Variants in PLPPR5 observed in about 807,000 individuals in gnomAD.
PLPPR5 encodes the protein phospholipid phosphatase-related protein type 5.
PLPPR5 carries 16 observed loss-of-function variants against 33.9 expected under a neutral mutation model. The ratio of observed to expected loss-of-function variants is 0.47; its 90% CI spans 0.32 to 0.72. The LOEUF is 0.72. Among genes scored for constraint, PLPPR5 ranks in the 30% least tolerant of loss-of-function variants. The pLI is 0.03. For synonymous variants in PLPPR5, 163 were observed against 150.3 expected, an observed-to-expected ratio of 1.08 and a Z score of -0.62; for missense variants, 301 against 406.7, an observed-to-expected ratio of 0.74 and a Z score of 2.23.
chr1:98,921,041 A>G (rs1243113401), intron 4 of PLPPR5, among the ~76,000 whole-genome samples: 1 of 152,176 alleles, frequency 6.6e-6, no homozygotes, highest in Admixed American at 6.5e-5. Context: ...TATGGTATAA[A>G]CATCAGTAAG....
rs758836234 is a variant in PLPPR5, at chr1:98,975,775, G to C, written c.238-19034C>G. ...GATTTCCAGCAAATCGGGATATCTCGACCCAAGCTCTACCGAACCAACAAG... is the reference window on the plus strand; with the variant it reads ...GATTTCCAGCAAATCGGGATATCTCCACCCAAGCTCTACCGAACCAACAAG... On this transcript the variant is annotated intron_variant, in intron 1 of 5. Transcript: ENST00000263177. Among the ~76,000 whole-genome samples the C allele has an allele frequency of 3.3e-5, 5 of 152,030 alleles. No individual in the cohort carries two copies. In the East Asian group the frequency reaches 9.7e-4, roughly 30 times the overall value.
chr1:98,915,327 C>T (rs1464827502), intron 4 of PLPPR5, among the ~76,000 whole-genome samples: 1 of 152,054 alleles, frequency 6.6e-6, no homozygotes, highest in African/African-American at 2.4e-5. Flanking sequence ...TTTTTCATTG[C>T]TTCAGTATCA....
intron 1 of PLPPR5, among the ~76,000 whole-genome samples, chr1:98,983,885 G>A (rs138553015): frequency 0.092 from 13,961 of 151,024 alleles, 738 homozygotes; most frequent in Non-Finnish European, 0.11. Context: ...TTGCATAAAT[G>A]TCTTCTTTTG....
intron 1 of PLPPR5, among the ~76,000 whole-genome samples, chr1:98,961,860 G>A (rs564668178): frequency 3.3e-5 from 5 of 152,160 alleles, no homozygotes; most frequent in Admixed American, 2.6e-4. Flanking sequence ...AGCTCTCCCT[G>A]GTGGACTTCA....
chr1:98,930,345 C>G (rs1649918733), intron 3 of PLPPR5, among the ~76,000 whole-genome samples: 1 of 152,056 alleles, frequency 6.6e-6, no homozygotes, highest in Non-Finnish European at 1.5e-5. Flanking sequence ...CTCAGGATTT[C>G]TTCAGATAAG....
At chr1:98,898,731 T>C (rs764704348) in intron 5 of PLPPR5, among the ~76,000 whole-genome samples, 3 of 152,188 alleles carry the variant, frequency 2.0e-5, no homozygotes, top group Non-Finnish European at 4.4e-5. Context: ...CAAAGTTTTC[T>C]TGGGAAAGGT....
In PLPPR5 at chr1:98,956,754, T is replaced by C. The variant is rs75681527; in HGVS notation, c.238-13A>G. 1.7e-3 allele frequency: 2,577 copies of C among 1,533,024 alleles called. 43 individuals carry two copies. The African/African-American group carries it at 0.033, about 20-fold the overall frequency. 95.0% of individuals were successfully genotyped at this position (1,533,024 alleles called of 1,614,324 possible). A position where few individuals can be genotyped will look rare whatever the true frequency, so the allele number is the denominator to read the frequency against. ...CTCCAACTATTATCTTGAAAGAAAATAAAAGATTAAGGAATATTAGAATTT... is the reference window on the plus strand; with the variant it reads ...CTCCAACTATTATCTTGAAAGAAAACAAAAGATTAAGGAATATTAGAATTT... On this transcript the variant is annotated splice_polypyrimidine_tract_variant and intron_variant, in intron 1 of 5. Transcript: ENST00000263177.
chr1:98,940,617 G>A, intron 3 of PLPPR5, among the ~76,000 whole-genome samples: 1 of 151,874 alleles, frequency 6.6e-6, no homozygotes, highest in East Asian at 1.9e-4. Context: ...TATAACTCAT[G>A]CTTTAGGGGT....
At chr1:98,945,397 C>T (rs967266814) in intron 3 of PLPPR5, among the ~76,000 whole-genome samples, 1 of 152,186 alleles carries the variant, frequency 6.6e-6, no homozygotes, top group Non-Finnish European at 1.5e-5. Flanking sequence ...TAATTAAAAT[C>T]AACTAACAAG....
chr1:98,918,571 C>T (rs1200676878), intron 4 of PLPPR5, among the ~76,000 whole-genome samples: 1 of 152,132 alleles, frequency 6.6e-6, no homozygotes, highest in African/African-American at 2.4e-5. Flanking sequence ...ACAATTAACA[C>T]AGCACATAAT....
At chr1:98,901,730 CA>C (rs1648700840) in intron 5 of PLPPR5, among the ~76,000 whole-genome samples, 1 of 151,934 alleles carries the variant, frequency 6.6e-6, no homozygotes, top group Non-Finnish European at 1.5e-5. Context: ...TGAATTCAAC[CA>C]AAAGCCTTAA....
intron 3 of PLPPR5, among the ~76,000 whole-genome samples, chr1:98,942,076 A>G (rs61784622): frequency 1.3e-5 from 2 of 148,200 alleles, no homozygotes; most frequent in African/African-American, 2.5e-5. Context: ...GAGAGGAAGA[A>G]AGAGAGAGAG....
At chr1:98,999,740 A>C (rs1652758519) in intron 1 of PLPPR5, among the ~76,000 whole-genome samples, 1 of 152,318 alleles carries the variant, frequency 6.6e-6, no homozygotes, top group Non-Finnish European at 1.5e-5. Context: ...ATGACTTTCT[A>C]TCATCTATCT....
chr1:98,977,796 C>G (rs1651913586), intron 1 of PLPPR5, among the ~76,000 whole-genome samples: 1 of 151,610 alleles, frequency 6.6e-6, no homozygotes, highest in Non-Finnish European at 1.5e-5. Context: ...AGAGAAGGCT[C>G]TTAAGGAGCA....
At chr1:98,894,530 T>C (rs914134618) in intron 5 of PLPPR5, among the ~76,000 whole-genome samples, 5 of 152,180 alleles carry the variant, frequency 3.3e-5, no homozygotes, top group Admixed American at 2.6e-4. Flanking sequence ...CACTTCTTAA[T>C]AGGATCTAGA....
At chr1:98,909,576 G>T (rs1174568502) in intron 5 of PLPPR5, among the ~76,000 whole-genome samples, 2 of 151,778 alleles carry the variant, frequency 1.3e-5, no homozygotes, top group Non-Finnish European at 2.9e-5. Flanking sequence ...CAGTTTAAGT[G>T]CTTTTACCAT....
intron 3 of PLPPR5, among the ~76,000 whole-genome samples, chr1:98,944,093 C>A (rs1570720204): frequency 6.6e-6 from 1 of 152,186 alleles, no homozygotes; most frequent in Non-Finnish European, 1.5e-5. Context: ...TTGGCTAGCA[C>A]ACTGTAGGCC....
rs1651011894 is a variant in PLPPR5 at position 98,956,654 on chromosome 1, A to G, written c.325T>C (p.Cys109Arg). 1 of 1,603,424 alleles carries G rather than the reference A, an allele frequency of 6.2e-7. No individual in the cohort carries two copies. The highest frequency in any genetic ancestry group is 8.5e-7 in the Non-Finnish European group (1 of 1,176,266). The change falls in exon 2 of 6, where the codon TGT becomes CGT. Residue 109 changes from cysteine to arginine, a missense_variant. By Grantham distance (180) the Cys-to-Arg change is radical. Coordinates refer to ENST00000263177, the MANE Select transcript of PLPPR5 (RefSeq NM_001037317.2). ...CGCACCAGCGGGTTTATATAGCAACAGTCTCCAGTTAAAATAGTTTTTTCC... is the reference window on the plus strand; with the variant it reads ...CGCACCAGCGGGTTTATATAGCAACGGTCTCCAGTTAAAATAGTTTTTTCC... ...NQEKTILTGD[C>R]CYINPLVRRT... is the part of the protein sequence containing the mutation.
intron 5 of PLPPR5, among the ~76,000 whole-genome samples, chr1:98,906,017 A>G (rs1483580930): frequency 6.6e-6 from 1 of 152,104 alleles, no homozygotes; most frequent in Non-Finnish European, 1.5e-5. Context: ...CCAGCATGCT[A>G]TCAGCCTTGG....
Sources: gnomAD v4.1 joint callset for allele counts (sites outside exome capture counted in the v4.1 genomes callset) on GRCh38, gnomAD v4.1.1 for gene constraint, MANE v1.5 for transcripts, NCBI Gene and HGNC (gene_info 2026-07-23, HGNC 2026-07-21) for gene names.